Variants in FBXL17 observed in about 807,000 individuals in gnomAD.
FBXL17 encodes F-box and leucine rich repeat protein 17, also known as F-box/LRR-repeat protein 17.
A neutral mutation model predicts 66.2 loss-of-function variants in FBXL17; 22 were observed. That is an observed-to-expected ratio of 0.33 (90% CI 0.24 to 0.47). FBXL17 has a LOEUF of 0.47. FBXL17 is among the 20% of genes least tolerant of loss of function. The pLI, the probability that FBXL17 is intolerant of heterozygous loss-of-function variation, is 1.00. For synonymous variants in FBXL17, 474 were observed against 400.5 expected (o/e 1.18, Z -2.19); for missense variants, 878 against 948.2 (o/e 0.93, Z 0.97).
chr5:107,984,854 T>C (rs181226189), intron 7 of FBXL17, among the ~76,000 whole-genome samples: 58 of 152,322 alleles, frequency 3.8e-4, no homozygotes, highest in African/African-American at 1.3e-3. Context: ...ATATTGTGCA[T>C]AGAATCCTTA....
chr5:108,354,946 A>G (rs1306730620), intron 3 of FBXL17, among the ~76,000 whole-genome samples: 1 of 152,062 alleles, frequency 6.6e-6, no homozygotes, highest in Non-Finnish European at 1.5e-5. Context: ...AAAGTGAAGG[A>G]GAAATAAAGA....
At chr5:108,143,677 A>G (rs1751447153) in intron 6 of FBXL17, among the ~76,000 whole-genome samples, 1 of 150,746 alleles carries the variant, frequency 6.6e-6, no homozygotes. Flanking sequence ...TAGCTGAGGT[A>G]AAGGTGCTTC....
intron 4 of FBXL17, among the ~76,000 whole-genome samples, chr5:108,347,631 C>A (rs896377528): frequency 2.0e-5 from 3 of 152,042 alleles, no homozygotes; most frequent in Non-Finnish European, 4.4e-5. Context: ...ACTAGGAAAA[C>A]CCATAGAGAT....
intron 6 of FBXL17, among the ~76,000 whole-genome samples, chr5:108,148,742 C>T (rs1342004517): frequency 6.6e-6 from 1 of 152,180 alleles, no homozygotes; most frequent in African/African-American, 2.4e-5. Context: ...AGATTAATAT[C>T]TCAGGGTGGT....
intron 6 of FBXL17, among the ~76,000 whole-genome samples, chr5:108,124,312 G>A (rs1750614691): frequency 6.6e-6 from 1 of 152,006 alleles, no homozygotes; most frequent in South Asian, 2.1e-4. Flanking sequence ...CCAGAGTGAT[G>A]CAGGAAAACT....
Position 107,861,798 on chromosome 5 carries a change from G to C in FBXL17, c.2028C>G (p.Val676=). The stretch of plus-strand genomic sequence containing the variant: ...CCAAGGTCCTCTTGCAGTCCTGCAG[G>C]ACGGTGCTGAAGGTGATGTGGGGGT... ...QQYPHITFST[V]LQDCKRTLER... is the part of the protein sequence containing the mutation. Residue 676 remains valine (V), a synonymous_variant, in exon 9 of 9, where the codon GTC becomes GTG. Transcript: ENST00000542267. 1 of 1,585,666 alleles carries C rather than the reference G, an allele frequency of 6.3e-7. No individual in the cohort carries two copies. Among genetic ancestry groups the C allele is most frequent in the Non-Finnish European group, 8.6e-7 (1 of 1,163,600 alleles).
intron 4 of FBXL17, among the ~76,000 whole-genome samples, chr5:108,300,503 T>C (rs1431287240): frequency 6.6e-6 from 1 of 151,898 alleles, no homozygotes; most frequent in African/African-American, 2.4e-5. Context: ...TTTGGATAAC[T>C]GTTTAAAACT....
intron 7 of FBXL17, among the ~76,000 whole-genome samples, chr5:107,980,286 CAGAA>C (rs1284315487): frequency 2.0e-5 from 3 of 152,052 alleles, no homozygotes; most frequent in African/African-American, 7.2e-5. Context: ...AGAGAAAAGA[CAGAA>C]AGGGGATAAA....
chr5:108,165,498 T>C (rs902376847), intron 6 of FBXL17, among the ~76,000 whole-genome samples: 2 of 152,108 alleles, frequency 1.3e-5, no homozygotes, highest in East Asian at 3.8e-4. Flanking sequence ...TTCTAGACCA[T>C]GAAAGAAAAC....
At chr5:108,198,003 T>C (rs951493804) in intron 5 of FBXL17, among the ~76,000 whole-genome samples, 2 of 152,138 alleles carry the variant, frequency 1.3e-5, no homozygotes, top group African/African-American at 4.8e-5. Context: ...ACTTTCGTCT[T>C]TTGAGCCAAA....
At chr5:108,288,745 T>C (rs752342388) in intron 4 of FBXL17, among the ~76,000 whole-genome samples, 5 of 151,794 alleles carry the variant, frequency 3.3e-5, no homozygotes, top group Non-Finnish European at 7.4e-5. Flanking sequence ...CAAAGGTAAA[T>C]GAAAGAGAAA....
chr5:108,341,413 TG>T (rs1746873076), intron 4 of FBXL17, among the ~76,000 whole-genome samples: 1 of 152,192 alleles, frequency 6.6e-6, no homozygotes, highest in Non-Finnish European at 1.5e-5. Flanking sequence ...ACAGTACGAA[TG>T]TAAGACAACA....
At chr5:108,275,284 A>T (rs1190886105) in intron 4 of FBXL17, among the ~76,000 whole-genome samples, 2 of 152,186 alleles carry the variant, frequency 1.3e-5, no homozygotes, top group African/African-American at 4.8e-5. Flanking sequence ...TTGGTCAAAG[A>T]GCTAGTTAAG....
At chr5:108,057,068 A>G (rs1256124331) in intron 6 of FBXL17, among the ~76,000 whole-genome samples, 4 of 152,218 alleles carry the variant, frequency 2.6e-5, no homozygotes, top group African/African-American at 9.6e-5. Context: ...TGCATCCAAA[A>G]GCATTTTGCA....
intron 1 of FBXL17, among the ~76,000 whole-genome samples, chr5:108,375,633 T>C (rs970421844): frequency 6.6e-6 from 1 of 151,834 alleles, no homozygotes; most frequent in African/African-American, 2.4e-5. Flanking sequence ...GAATATGTAA[T>C]AAAAAACAAA....
rs2150213914 is a variant in FBXL17, at chr5:108,318,964, T to A, written c.1506+29435A>T. Among the ~76,000 whole-genome samples the A allele has an allele frequency of 3.9e-5, 6 of 151,968 alleles. 1 individual carries two copies. In the South Asian group the frequency reaches 1.2e-3, roughly 31 times the overall value. On this transcript the variant is annotated intron_variant, in intron 4 of 8. Coordinates refer to ENST00000542267, the MANE Select transcript of FBXL17 (RefSeq NM_001163315.3). ...AAAATAAGTCATAACACATCCCAAA[T>A]CAAGGCCAAACCCAACCATGACTGA... is the stretch of plus-strand genomic sequence containing the variant.
chr5:107,904,424 A>G, intron 7 of FBXL17, among the ~76,000 whole-genome samples: 1 of 152,164 alleles, frequency 6.6e-6, no homozygotes, highest in Admixed American at 6.6e-5. Flanking sequence ...GTCAACGACC[A>G]AGTCTAACTG....
intron 6 of FBXL17, among the ~76,000 whole-genome samples, chr5:108,116,182 G>A (rs1183539192): frequency 6.6e-6 from 1 of 152,120 alleles, no homozygotes; most frequent in East Asian, 1.9e-4. Context: ...AGCATAGTAA[G>A]GGTTTCTCTG....
At chr5:108,313,091 G>T (rs1759200462) in intron 4 of FBXL17, among the ~76,000 whole-genome samples, 1 of 152,062 alleles carries the variant, frequency 6.6e-6, no homozygotes, top group African/African-American at 2.4e-5. Context: ...TCTAACTTCT[G>T]CTCTTGGGTC....
Sources: gnomAD v4.1 joint callset for allele counts (sites outside exome capture counted in the v4.1 genomes callset) on GRCh38, gnomAD v4.1.1 for gene constraint, MANE v1.5 for transcripts, NCBI Gene and HGNC (gene_info 2026-07-23, HGNC 2026-07-21) for gene names.